The following NLGN1 variants were observed in gnomAD, a reference collection of about 807,000 sequenced individuals.
The protein encoded by NLGN1 is neuroligin-1.
A neutral mutation model predicts 65.5 loss-of-function variants in NLGN1; 12 were observed. The ratio of observed to expected loss-of-function variants is 0.18; its 90% CI spans 0.12 to 0.30. The LOEUF is 0.30. Among genes scored for constraint, NLGN1 ranks in the 10% least tolerant of loss-of-function variants. The pLI is 1.00. For synonymous variants in NLGN1, 350 were observed against 359.5 expected, an observed-to-expected ratio of 0.97 and a Z score of 0.30; for missense variants, 750 against 1,007.1, an observed-to-expected ratio of 0.74 and a Z score of 3.46.
intron 3 of NLGN1, among the ~76,000 whole-genome samples, chr3:173,770,162 A>G (rs894194078): frequency 6.6e-6 from 1 of 152,204 alleles, no homozygotes; most frequent in African/African-American, 2.4e-5. Context: ...ACTTTTGCTT[A>G]TTCATTTATT....
intron 3 of NLGN1, among the ~76,000 whole-genome samples, chr3:173,762,235 T>A (rs533120016): frequency 4.6e-5 from 7 of 152,186 alleles, no homozygotes; most frequent in East Asian, 1.9e-4. Context: ...CAGGGACTCA[T>A]GTTCTCCGAT....
chr3:173,967,060 CAGGA>C (rs1715040808), intron 4 of NLGN1, among the ~76,000 whole-genome samples: 1 of 152,178 alleles, frequency 6.6e-6, no homozygotes, highest in East Asian at 1.9e-4. Flanking sequence ...TCAGCAACAG[CAGGA>C]TCCCAGGACA....
chr3:173,942,112 GTGTGT>G (rs1200509194), intron 4 of NLGN1, among the ~76,000 whole-genome samples: 7 of 119,180 alleles, frequency 5.9e-5, no homozygotes, highest in African/African-American at 9.3e-5. Context: ...GGTTGGGGGT[GTGTGT>G]GTGTGTGTGT....
In NLGN1 at chr3:174,181,778, T is replaced by TAC. The variant is rs3035853; in HGVS notation, c.647-93509_647-93508dup. 8.2e-3 allele frequency among the ~76,000 whole-genome samples: 1,171 copies of TAC among 142,666 alleles called. 12 individuals are homozygous for TAC. Among genetic ancestry groups the TAC allele is most frequent in the African/African-American group, 0.023 (875 of 37,912 alleles). 93.6% of individuals were successfully genotyped at this position (142,666 alleles called of 152,430 possible). ...ACCCTGTCTCTCCAAAAAATAAAAA[T>TAC]ACACACACACACACACACACACACA... On this transcript the variant is annotated intron_variant, in intron 4 of 6. Transcript: ENST00000457714.
chr3:173,907,584 T>C (rs948322632), intron 4 of NLGN1, among the ~76,000 whole-genome samples: 62 of 129,168 alleles, frequency 4.8e-4, no homozygotes, highest in Admixed American at 6.8e-4. Context: ...CTCTCTCTCT[T>C]TTTTTTTTTT....
intron 5 of NLGN1, among the ~76,000 whole-genome samples, chr3:174,277,039 C>CTGAT (rs1420131751): frequency 6.6e-6 from 1 of 151,868 alleles, no homozygotes; most frequent in Non-Finnish European, 1.5e-5. Context: ...CAGTCATCAA[C>CTGAT]TGATGGCATG....
intron 4 of NLGN1, chr3:174,057,704 G>A (rs1371777125): frequency 6.6e-6 from 1 of 152,106 alleles, no homozygotes; most frequent in Non-Finnish European, 1.5e-5. Flanking sequence ...ATTTTGCCAT[G>A]ACTTGGTAGG....
At chr3:174,227,868 T>C (rs963187212) in intron 4 of NLGN1, among the ~76,000 whole-genome samples, 14 of 152,220 alleles carry the variant, frequency 9.2e-5, no homozygotes, top group Admixed American at 7.2e-4. Context: ...AAATATGTGG[T>C]GTATTAAATA....
At position 173,889,058 on chromosome 3, in the gene NLGN1, G is replaced by A. The variant is rs182003775; in HGVS notation, c.646+81226G>A. 4.0e-4 allele frequency among the ~76,000 whole-genome samples: 61 copies of A among 152,162 alleles called. 1 individual carries two copies. In the Middle Eastern group the frequency reaches 0.01, roughly 25 times the overall value. On this transcript the variant is annotated intron_variant, in intron 4 of 6. Transcript: ENST00000457714. Reference sequence around the variant, plus strand: ...TGAAGAATAATTTGAAACGAAAATTGAAGGCTTCTAATTTTATGCAGAGTG... The same window carrying A: ...TGAAGAATAATTTGAAACGAAAATTAAAGGCTTCTAATTTTATGCAGAGTG...
chr3:174,160,498 G>T, intron 4 of NLGN1, among the ~76,000 whole-genome samples: 1 of 151,096 alleles, frequency 6.6e-6, no homozygotes, highest in Admixed American at 6.6e-5. Flanking sequence ...ATTTAGCATT[G>T]TTCTTTCCAC....
intron 4 of NLGN1, among the ~76,000 whole-genome samples, chr3:173,979,784 T>G (rs1159337843): frequency 6.6e-6 from 1 of 152,160 alleles, no homozygotes; most frequent in Non-Finnish European, 1.5e-5. Context: ...TATCGTGTTA[T>G]TGACTGCTTG....
exon 7 of NLGN1, chr3:174,285,829 A>G (rs1752050702): frequency 6.6e-6 from 1 of 151,496 alleles, no homozygotes. Context: ...AGATAATTCA[A>G]TTTAAAGAGT....
At chr3:173,585,553 G>A (rs1431345343) in intron 2 of NLGN1, among the ~76,000 whole-genome samples, 1 of 151,932 alleles carries the variant, frequency 6.6e-6, no homozygotes, top group Non-Finnish European at 1.5e-5. Flanking sequence ...CAGGGTCACT[G>A]CACCGGATAG....
intron 4 of NLGN1, among the ~76,000 whole-genome samples, chr3:174,038,211 C>G (rs1187306382): frequency 6.6e-6 from 1 of 152,126 alleles, no homozygotes; most frequent in Non-Finnish European, 1.5e-5. Context: ...CTTCTATGAG[C>G]AAGTCATGGA....
intron 3 of NLGN1, among the ~76,000 whole-genome samples, chr3:173,689,016 G>A (rs114885609): frequency 0.014 from 2,199 of 152,136 alleles, 69 homozygotes; most frequent in African/African-American, 0.05. Context: ...AACATCTGCC[G>A]CTAATGTCAT....
At chr3:174,075,732 G>T (rs1740769053) in intron 4 of NLGN1, among the ~76,000 whole-genome samples, 1 of 151,956 alleles carries the variant, frequency 6.6e-6, no homozygotes, top group Admixed American at 6.6e-5. Flanking sequence ...GAGCTAAAAA[G>T]AAAAATGAAA....
chr3:174,196,377 C>G (rs371102388), intron 4 of NLGN1, among the ~76,000 whole-genome samples: 3 of 151,990 alleles, frequency 2.0e-5, no homozygotes, highest in Non-Finnish European at 4.4e-5. Context: ...AATAGTCATG[C>G]AAAATTATAC....
At chr3:173,415,041 A>G (rs757013622) in intron 1 of NLGN1, among the ~76,000 whole-genome samples, 1 of 152,264 alleles carries the variant, frequency 6.6e-6, no homozygotes, top group African/African-American at 2.4e-5. Flanking sequence ...AAGTGAGCCA[A>G]ACTTCTCCTT....
chr3:173,851,255 T>C (rs1457824992), intron 4 of NLGN1, among the ~76,000 whole-genome samples: 5 of 152,218 alleles, frequency 3.3e-5, no homozygotes, highest in Non-Finnish European at 7.3e-5. Flanking sequence ...AGGATTCTTC[T>C]GTAATGAAAG....
Sources: allele counts gnomAD v4.1 joint callset (sites outside exome capture counted in the v4.1 genomes callset), GRCh38; gene constraint gnomAD v4.1.1; transcripts MANE v1.5; gene names NCBI Gene and HGNC (gene_info 2026-07-23, HGNC 2026-07-21).